The following RIMKLB variants were observed in gnomAD, a reference collection of about 807,000 sequenced individuals.
The protein encoded by RIMKLB is ribosomal modification protein rimK like family member B.
In RIMKLB, 7 loss-of-function variants were observed where a neutral mutation model predicts 32.0. The ratio of observed to expected loss-of-function variants is 0.22; its 90% CI spans 0.12 to 0.41. RIMKLB has a LOEUF of 0.41. Ranked by LOEUF, RIMKLB falls within the 10% of genes least tolerant of loss-of-function variation. The pLI, the probability that RIMKLB is intolerant of heterozygous loss-of-function variation, is 1.00. For missense variants in RIMKLB, 289 were observed against 498.7 expected (o/e 0.58, Z 4.00); for synonymous variants, 172 against 185.1 (o/e 0.93, Z 0.57).
intron 2 of RIMKLB, chr12:8,742,696 G>A (rs1947672892): frequency 9.0e-6 from 2 of 223,320 alleles, no homozygotes; most frequent in South Asian, 6.4e-5. Flanking sequence ...AGCCTGTGCT[G>A]AAGTTTGCTA....
intron 2 of RIMKLB, among the ~76,000 whole-genome samples, chr12:8,733,882 A>G (rs754666435): frequency 1.3e-5 from 2 of 152,126 alleles, no homozygotes; most frequent in Admixed American, 1.3e-4. Flanking sequence ...CTGTCTCTGG[A>G]TAGATGATAG....
intron 2 of RIMKLB, chr12:8,742,981 C>T (rs774329067): frequency 3.5e-4 from 56 of 158,688 alleles, no homozygotes; most frequent in African/African-American, 1.2e-3. Flanking sequence ...GTTCTGCAAA[C>T]GCATGGCACC....
chr12:8,683,802 T>C (rs1942485364), intron 1 of RIMKLB, among the ~76,000 whole-genome samples: 1 of 151,922 alleles, frequency 6.6e-6, no homozygotes, highest in African/African-American at 2.4e-5. Flanking sequence ...GGCTAGAGTG[T>C]GGTGGCACGA....
intron 2 of RIMKLB, among the ~76,000 whole-genome samples, chr12:8,733,306 A>C (rs1946714630): frequency 7.8e-6 from 1 of 127,836 alleles, no homozygotes; most frequent in Non-Finnish European, 1.6e-5. Flanking sequence ...TTGTTAAAGC[A>C]AAAAAAAAAA....
At chr12:8,680,162 T>A (rs1942378042), upstream of RIMKLB, among the ~76,000 whole-genome samples, 1 of 152,126 alleles carries the variant, frequency 6.6e-6, no homozygotes, top group Non-Finnish European at 1.5e-5. Context: ...AAGCCACGCC[T>A]TATTTTTTTT....
chr12:8,773,962 A>G lies in RIMKLB; in HGVS notation c.*178A>G, dbSNP rs1339015354. ...CCTCTGCTAGTAAGATGTTACTTTC[A>G]TTTACAAATCCTACAAATAGAGAGG... On this transcript the variant is annotated 3_prime_UTR_variant, in exon 6 of 6. Transcript: ENST00000535829. 6.8e-5 allele frequency: 96 copies of G among 1,401,950 alleles called. No homozygotes were observed. The highest frequency in any genetic ancestry group is 8.7e-5 in the Non-Finnish European group (94 of 1,081,996). The allele number at this position is 1,401,950 out of a possible 1,614,324, so 86.8% of individuals were successfully genotyped here.
intron 1 of RIMKLB, among the ~76,000 whole-genome samples, chr12:8,691,610 A>T (rs1942735140): frequency 6.6e-6 from 1 of 151,076 alleles, no homozygotes; most frequent in Admixed American, 6.6e-5. Context: ...TCTCAAAAAG[A>T]CAAACAAACA....
At chr12:8,702,020 A>G (rs1943450440) in intron 1 of RIMKLB, among the ~76,000 whole-genome samples, 1 of 152,112 alleles carries the variant, frequency 6.6e-6, no homozygotes, top group South Asian at 2.1e-4. Flanking sequence ...AAAAAAAAAA[A>G]AATAGATCTT....
intron 5 of RIMKLB, among the ~76,000 whole-genome samples, chr12:8,759,433 CTT>C (rs1167668532): frequency 6.6e-6 from 1 of 152,120 alleles, no homozygotes; most frequent in African/African-American, 2.4e-5. Context: ...AAGCCCATAA[CTT>C]TTTGCATTTC....
At chr12:8,678,815 G>A (rs764702025), upstream of RIMKLB, 1 of 152,258 alleles carries the variant, frequency 6.6e-6, no homozygotes, top group South Asian at 2.1e-4. Context: ...GCTGGTGCAG[G>A]GGATGCAAAG....
intron 5 of RIMKLB, among the ~76,000 whole-genome samples, chr12:8,763,891 A>G (rs923015610): frequency 1.3e-5 from 2 of 152,218 alleles, no homozygotes; most frequent in African/African-American, 2.4e-5. Flanking sequence ...AGGATCTTCA[A>G]AGGCAAACAA....
chr12:8,687,819 A>AG (rs1491479535), intron 1 of RIMKLB, among the ~76,000 whole-genome samples: 2 of 140,366 alleles, frequency 1.4e-5, no homozygotes, highest in Non-Finnish European at 3.2e-5. Flanking sequence ...CAAGTCAGGA[A>AG]GAAAAAAAAA....
At chr12:8,718,709 GTA>G (rs1260071026) in intron 2 of RIMKLB, among the ~76,000 whole-genome samples, 12 of 146,008 alleles carry the variant, frequency 8.2e-5, no homozygotes, top group East Asian at 4.0e-4. Context: ...GTGTGTGTGT[GTA>G]TAATCATTTT....
intron 5 of RIMKLB, among the ~76,000 whole-genome samples, chr12:8,772,203 G>T (rs1447151354): frequency 6.6e-6 from 1 of 152,012 alleles, no homozygotes; most frequent in Non-Finnish European, 1.5e-5. Flanking sequence ...TTATCTTTAT[G>T]ATTTCACCTC....
chr12:8,782,267 T>G (rs1176743551), intron 7 of RIMKLB, among the ~76,000 whole-genome samples: 1 of 152,150 alleles, frequency 6.6e-6, no homozygotes, highest in Non-Finnish European at 1.5e-5. Context: ...ATAATTTTGT[T>G]TTATTTTGTA....
At chr12:8,676,540 G>C in the RIMKLB span, among the ~76,000 whole-genome samples, 6,551 of 150,730 alleles carry the variant, frequency 0.043, 475 homozygotes, top group African/African-American at 0.15. Flanking sequence ...CCAGGACTAC[G>C]GGTGTGCACC....
At chr12:8,768,086 TC>T (rs1950115428) in intron 5 of RIMKLB, among the ~76,000 whole-genome samples, 1 of 152,172 alleles carries the variant, frequency 6.6e-6, no homozygotes, top group African/African-American at 2.4e-5. Context: ...AGGAATGGAA[TC>T]TTGGGCCATG....
chr12:8,693,904 AT>A (rs1233914517), upstream of RIMKLB, among the ~76,000 whole-genome samples: 8 of 152,098 alleles, frequency 5.3e-5, no homozygotes, highest in Non-Finnish European at 1.2e-4. Context: ...TGCTGATTTA[AT>A]CAGTTTTTGG....
chr12:8,718,598 G>C (rs1311307478), intron 2 of RIMKLB, among the ~76,000 whole-genome samples: 1 of 151,604 alleles, frequency 6.6e-6, no homozygotes, highest in Admixed American at 6.6e-5. Context: ...AGCTGAGATA[G>C]CACCATTACA....
Sources: gnomAD v4.1 joint callset for allele counts (sites outside exome capture counted in the v4.1 genomes callset) on GRCh38, gnomAD v4.1.1 for gene constraint, MANE v1.5 for transcripts, NCBI Gene and HGNC (gene_info 2026-07-23, HGNC 2026-07-21) for gene names.